ERICH6: variants seen among roughly 807,000 people sequenced by gnomAD.
ERICH6 encodes the protein glutamate rich 6.
ERICH6 carries 71 observed loss-of-function variants against 71.0 expected under a neutral mutation model. The observed-to-expected ratio is 1.00, with a 90% CI of 0.83 to 1.22. The LOEUF (loss-of-function observed/expected upper bound fraction) is 1.22, where lower values mean the gene tolerates loss of function less well. Among genes scored for constraint, ERICH6 ranks in the 50% most tolerant of loss-of-function variants. The pLI is 0.00. For missense variants in ERICH6, 808 were observed against 797.2 expected, an observed-to-expected ratio of 1.01 and a Z score of -0.16; for synonymous variants, 262 against 278.4, an observed-to-expected ratio of 0.94 and a Z score of 0.59.
At chr3:150,676,663 A>G (rs758861201) in intron 10 of ERICH6, among the ~76,000 whole-genome samples, 1 of 151,888 alleles carries the variant, frequency 6.6e-6, no homozygotes, top group Non-Finnish European at 1.5e-5. Flanking sequence ...TTGTTTTGAG[A>G]TGGGGGTCTT....
chr3:150,685,624 C>G lies in ERICH6; in HGVS notation c.783+118G>C. On this transcript the variant is annotated intron_variant, in intron 6 of 13. Coordinates refer to ENST00000295910, the MANE Select transcript of ERICH6 (RefSeq NM_152394.5). ...CTAAGTGCTATTCTAAGTAATTGAG[C>G]TCTTTGGCTTTTTTTTTTTTTCCTT... 4 of 863,386 alleles carry G rather than the reference C, an allele frequency of 4.6e-6. No homozygotes were observed. The South Asian group carries it at 7.2e-5, about 15-fold the overall frequency. 53.5% of individuals were successfully genotyped at this position (863,386 alleles called of 1,614,324 possible).
intron 2 of ERICH6, among the ~76,000 whole-genome samples, chr3:150,699,518 G>T (rs1434204298): frequency 1.3e-5 from 2 of 151,938 alleles, no homozygotes; most frequent in Non-Finnish European, 2.9e-5. Flanking sequence ...CTAAAGCTAG[G>T]GAAGGATTCC....
In ERICH6 at chr3:150,669,413, T is replaced by C; in HGVS notation, c.1382A>G (p.Asn461Ser). Residue 461 changes from asparagine (N) to serine (S), a missense_variant, in exon 12 of 14, where the codon AAC becomes AGC. Transcript: ENST00000295910. Reference protein sequence around the residue: ...SGNLAIIRVPNKVNGFTCIVQ... With the variant: ...SGNLAIIRVPSKVNGFTCIVQ... ...TATACAAGTAAAACCATTTACCTTG[T>C]TGGGCACTCGAATGATGGCTAGGTT... The C allele has an allele frequency of 6.2e-7, 1 of 1,613,674 alleles. No homozygotes were observed. Among genetic ancestry groups the C allele is most frequent in the African/African-American group, 1.3e-5 (1 of 75,002 alleles).
intron 2 of ERICH6, 109 bp from the exon 3 acceptor site, chr3:150,698,991 G>T: frequency 2.9e-6 from 2 of 693,918 alleles, no homozygotes; most frequent in East Asian, 5.4e-5. Flanking sequence ...AAAATATTTT[G>T]TTTTCTTTGA....
chr3:150,669,433 T>C lies in ERICH6; in HGVS notation c.1362A>G (p.Leu454=), dbSNP rs764009555. The stretch of plus-strand genomic sequence containing the variant: ...CCTTGTTGGGCACTCGAATGATGGC[T>C]AGGTTTCCAGATGGATAGCTGAGAT... ...TTQIFYPSGN[L]AIIRVPNKVN... Residue 454 remains leucine, a synonymous_variant, in exon 12 of 14, where the codon CTA becomes CTG. Coordinates refer to ENST00000295910, the MANE Select transcript of ERICH6 (RefSeq NM_152394.5). The C allele has an allele frequency of 3.7e-6, 6 of 1,613,548 alleles. No individual in the cohort carries two copies. In the East Asian group the frequency reaches 1.3e-4, roughly 36 times the overall value.
intron 2 of ERICH6, among the ~76,000 whole-genome samples, chr3:150,701,655 A>C (rs1559923045): frequency 6.6e-6 from 1 of 152,228 alleles, no homozygotes; most frequent in Non-Finnish European, 1.5e-5. Context: ...GGGAATATTT[A>C]CAAAGATGTT....
chr3:150,674,077 T>C, intron 10 of ERICH6, 36 bp from the exon 11 acceptor site: 1 of 1,576,234 alleles, frequency 6.3e-7, no homozygotes, highest in Non-Finnish European at 8.7e-7. Flanking sequence ...ACTTAATTGT[T>C]TCGGACATAA....
intron 10 of ERICH6, 59 bp from the exon 11 acceptor site, chr3:150,674,100 G>A (rs1004184877): frequency 1.2e-5 from 15 of 1,302,794 alleles, no homozygotes; most frequent in African/African-American, 5.9e-5. Context: ...TAGTAAGTAC[G>A]ACAACAATGG....
chr3:150,664,398 C>T lies in ERICH6; in HGVS notation c.1728+2389G>A, dbSNP rs182632794. Among the ~76,000 whole-genome samples the T allele has an allele frequency of 3.1e-4, 47 of 152,094 alleles. No individual in the cohort carries two copies. In the East Asian group the frequency reaches 3.5e-3, roughly 11 times the overall value. On this transcript the variant is annotated intron_variant, in intron 13 of 13. Transcript: ENST00000295910. ...GCACGGTGGCTCACGCCTATAATCT[C>T]GGCATTTTGGGAGGCCCAGGTAGGC...
intron 11 of ERICH6, among the ~76,000 whole-genome samples, chr3:150,670,297 A>C (rs1711498182): frequency 6.6e-6 from 1 of 152,004 alleles, no homozygotes; most frequent in African/African-American, 2.4e-5. Flanking sequence ...ATCCTTGCCA[A>C]CATGGTGAAA....
rs542493653 is a variant in ERICH6 at position 150,670,481 on chromosome 3, C to CAA, written c.1344-1032_1344-1031dup. Among the ~76,000 whole-genome samples, 33 of 44,974 alleles carry CAA rather than the reference C, an allele frequency of 7.3e-4. 1 individual carries two copies. Among genetic ancestry groups the CAA allele is most frequent in the African/African-American group, 1.5e-3 (19 of 12,302 alleles). The allele number at this position is 44,974 out of a possible 152,430, so 29.5% of individuals were successfully genotyped here. On this transcript the variant is annotated intron_variant, in intron 11 of 13. Transcript: ENST00000295910. The stretch of plus-strand genomic sequence containing the variant: ...TGGGTGACAGGGCAAGACTCCATCT[C>CAA]AAAAAAAAAAAAAAAAAAAAAGTTC...
At chr3:150,670,481 CA>C (rs542493653) in intron 11 of ERICH6, among the ~76,000 whole-genome samples, 9,629 of 45,140 alleles carry the variant, frequency 0.21, 147 homozygotes, top group Non-Finnish European at 0.24. Flanking sequence ...GACTCCATCT[CA>C]AAAAAAAAAA....
intron 6 of ERICH6, 65 bp from the exon 7 acceptor site, chr3:150,682,381 G>T: frequency 1.7e-6 from 2 of 1,202,164 alleles, no homozygotes; most frequent in Non-Finnish European, 2.4e-6. Context: ...TCTGAGAGCA[G>T]CAGGAGCACG....
At chr3:150,682,140 G>T in intron 7 of ERICH6, 78 bp downstream of exon 7, 1 of 1,254,026 alleles carries the variant, frequency 8.0e-7, no homozygotes. Flanking sequence ...TGGCAATGCA[G>T]GGGAAAGATG....
Position 150,666,832 on chromosome 3 carries a change from T to C in ERICH6, c.1683A>G (p.Leu561=). ...LEQDKISITF[L]AMGQQARISV... ...TGATTCTTGCCTGTTGGCCCATTGC[T>C]AGAAAAGTTATAGAAATCTTGTCTT... Residue 561 remains leucine (L), a synonymous_variant, in exon 13 of 14, where the codon CTA becomes CTG. Coordinates refer to ENST00000295910, the MANE Select transcript of ERICH6 (RefSeq NM_152394.5). 1 of 1,614,226 alleles carries C rather than the reference T, an allele frequency of 6.2e-7. No individual in the cohort carries two copies. The highest frequency in any genetic ancestry group is 8.5e-7 in the Non-Finnish European group (1 of 1,180,042).
chr3:150,678,513 C>T lies in ERICH6; in HGVS notation c.1153G>A (p.Asp385Asn), dbSNP rs756368694. 7 of 1,601,380 alleles carry T rather than the reference C, an allele frequency of 4.4e-6. No homozygotes were observed. Among genetic ancestry groups the T allele is most frequent in the Non-Finnish European group, 2.5e-6 (3 of 1,176,636 alleles). ...LKTISYQLSV[D>N]IPEKQIIDDI... ...TCAATTATCTGTTTTTCTGGAATAT[C>T]CACAGAAAGTTGATAAGAAATTGTT... The change falls in exon 10 of 14, where the codon GAT becomes AAT. Residue 385 changes from aspartate to asparagine, a missense_variant. Around this residue, in one of 3 missense-constraint regions of ERICH6, gnomAD observed 736 missense variants for 712.2 expected, o/e 1.03. Coordinates refer to ENST00000295910, the MANE Select transcript of ERICH6 (RefSeq NM_152394.5).
chr3:150,703,661 T>TC lies in ERICH6; in HGVS notation c.237dup (p.Lys80GlufsTer7). ...TCGTAGTCACCGATGTCCGTGACCT[T>TC]CCAGAGGTACTCTTCGCTGAACGTC... is the stretch of plus-strand genomic sequence containing the variant. On this transcript the variant is annotated frameshift_variant, in exon 1 of 14. Transcript: ENST00000295910. LOFTEE classifies it high-confidence loss of function. 6.2e-7 allele frequency: 1 copy of TC among 1,613,750 alleles called. No individual in the cohort carries two copies. The highest frequency in any genetic ancestry group is 8.5e-7 in the Non-Finnish European group (1 of 1,179,864).
At chr3:150,698,240 G>GT (rs1252758219) in intron 3 of ERICH6, among the ~76,000 whole-genome samples, 2 of 152,010 alleles carry the variant, frequency 1.3e-5, no homozygotes, top group Non-Finnish European at 2.9e-5. Flanking sequence ...GGATTTGCTT[G>GT]TTTTTTTCAC....
chr3:150,679,141 A>G (rs1490024206), intron 9 of ERICH6, among the ~76,000 whole-genome samples: 1 of 151,612 alleles, frequency 6.6e-6, no homozygotes, highest in Non-Finnish European at 1.5e-5. Context: ...GAAACTTTGT[A>G]TTAGGGATTT....
Sources: gnomAD v4.1 joint callset for allele counts (sites outside exome capture counted in the v4.1 genomes callset) on GRCh38, gnomAD v4.1.1 for gene constraint, gnomAD v4.1.1 regional missense constraint, MANE v1.5 for transcripts, NCBI Gene and HGNC (gene_info 2026-07-23, HGNC 2026-07-21) for gene names.